MED15: variants seen among roughly 807,000 people sequenced by gnomAD.
MED15 encodes mediator of RNA polymerase II transcription subunit 15.
A neutral mutation model predicts 118.7 loss-of-function variants in MED15; 41 were observed. The ratio of observed to expected loss-of-function variants is 0.35; its 90% confidence interval spans 0.27 to 0.45. MED15 has a LOEUF of 0.45. Ranked by LOEUF, MED15 falls within the 20% of genes least tolerant of loss-of-function variation. The pLI, the probability that MED15 is intolerant of heterozygous loss-of-function variation, is 1.00. For missense variants in MED15, 740 were observed against 1,025.5 expected, an observed-to-expected ratio of 0.72 and a Z score of 3.80; for synonymous variants, 436 against 413.9, an observed-to-expected ratio of 1.05 and a Z score of -0.65.
intron 1 of MED15, among the ~76,000 whole-genome samples, chr22:20,513,878 T>C (rs1177596376): frequency 6.6e-6 from 1 of 152,184 alleles, no homozygotes. Context: ...GCATTTTCTT[T>C]TTTGAAACAG....
intron 1 of MED15, chr22:20,507,953 C>G (rs2053927924): frequency 1.4e-6 from 2 of 1,439,580 alleles, no homozygotes; most frequent in East Asian, 2.5e-5. Flanking sequence ...GGGCCGAGCT[C>G]TGCAAACCAA....
In MED15 at chr22:20,513,069, T is replaced by C. The variant is rs745434116; in HGVS notation, c.68+5323T>C. On this transcript the variant is annotated intron_variant, in intron 1 of 17. Coordinates refer to ENST00000263205, the MANE Select transcript of MED15 (RefSeq NM_001003891.3). Reference sequence around the variant, plus strand: ...CACCTCTTGTATTACAGTGGTATTCTTTATTTTTTTATTTTTTTAAGAGAC... The same window carrying C: ...CACCTCTTGTATTACAGTGGTATTCCTTATTTTTTTATTTTTTTAAGAGAC... 1.3e-4 allele frequency among the ~76,000 whole-genome samples: 20 copies of C among 151,818 alleles called. 1 individual carries two copies. Among genetic ancestry groups the C allele is most frequent in the Non-Finnish European group, 2.6e-4 (18 of 67,962 alleles).
At chr22:20,548,004 A>T (rs969357606) in intron 2 of MED15, among the ~76,000 whole-genome samples, 15 of 152,008 alleles carry the variant, frequency 9.9e-5, no homozygotes, top group African/African-American at 3.4e-4. Flanking sequence ...CATCTCAAAA[A>T]ATATATATAT....
intron 5 of MED15, among the ~76,000 whole-genome samples, chr22:20,556,596 A>T (rs165792): frequency 6.6e-6 from 1 of 151,986 alleles, no homozygotes; most frequent in South Asian, 2.1e-4. Context: ...CATCACGCCC[A>T]GCCGACTTCA....
intron 2 of MED15, among the ~76,000 whole-genome samples, chr22:20,537,626 T>G (rs2055132211): frequency 6.6e-6 from 1 of 152,252 alleles, no homozygotes; most frequent in African/African-American, 2.4e-5. Context: ...TGTCCCCTTT[T>G]GCTAAGTGAA....
intron 2 of MED15, among the ~76,000 whole-genome samples, chr22:20,550,388 C>T (rs892899161): frequency 1.3e-5 from 2 of 152,118 alleles, no homozygotes; most frequent in African/African-American, 4.8e-5. Flanking sequence ...GCTAATTCCC[C>T]GAGCTGAAAA....
intron 1 of MED15, among the ~76,000 whole-genome samples, chr22:20,510,068 T>C (rs1350434003): frequency 6.6e-6 from 1 of 152,190 alleles, no homozygotes; most frequent in Non-Finnish European, 1.5e-5. Flanking sequence ...CTCTAACAAA[T>C]TACCACAAGT....
rs1221017406 is a variant in MED15, at chr22:20,555,218, TATG to T, written c.451+74_451+76del. 6.8e-5 allele frequency: 95 copies of T among 1,390,870 alleles called. No homozygotes were observed. The Middle Eastern group carries it at 9.2e-4, about 13-fold the overall frequency. The allele number at this position is 1,390,870 out of a possible 1,614,324, so 86.2% of individuals were successfully genotyped here. A position where few individuals can be genotyped will look rare whatever the true frequency, so the allele number is the denominator to read the frequency against. On this transcript the variant is annotated intron_variant, in intron 5 of 17. Coordinates refer to ENST00000263205, the MANE Select transcript of MED15 (RefSeq NM_001003891.3). ...CGACAACACATTTTATTCCTGTGCT[TATG>T]ATGGTATCAAGAAAAGCATGGAGAA...
chr22:20,570,917 A>C (rs595044), intron 8 of MED15, among the ~76,000 whole-genome samples: 2 of 150,784 alleles, frequency 1.3e-5, no homozygotes, highest in African/African-American at 4.9e-5. Flanking sequence ...GGCATGCGCC[A>C]CTATATCCAG....
chr22:20,541,374 C>T (rs1305057952), intron 2 of MED15, among the ~76,000 whole-genome samples: 2 of 152,180 alleles, frequency 1.3e-5, no homozygotes, highest in African/African-American at 2.4e-5. Flanking sequence ...CATCACTAGT[C>T]ATTAGGGGAT....
chr22:20,572,826 G>C (rs1025580878), intron 8 of MED15, among the ~76,000 whole-genome samples: 1 of 152,208 alleles, frequency 6.6e-6, no homozygotes, highest in Non-Finnish European at 1.5e-5. Flanking sequence ...TCGGGAGGCC[G>C]AGTTGGGAGG....
intron 9 of MED15, among the ~76,000 whole-genome samples, chr22:20,577,932 T>C (rs1199206905): frequency 6.6e-6 from 1 of 152,150 alleles, no homozygotes; most frequent in African/African-American, 2.4e-5. Context: ...CTGTTTGTTT[T>C]TCTTTTTTTG....
intron 9 of MED15, chr22:20,582,286 G>T: frequency 2.2e-6 from 1 of 445,660 alleles, no homozygotes. Context: ...CCAGGCTAGT[G>T]CCAGCCAAGG....
chr22:20,565,405 G>A (rs939538759), intron 6 of MED15, among the ~76,000 whole-genome samples: 1 of 152,204 alleles, frequency 6.6e-6, no homozygotes, highest in African/African-American at 2.4e-5. Context: ...TTGGGTTCTG[G>A]GCTCAGTGTT....
At chr22:20,521,722 A>ATTTT (rs1313870108) in intron 1 of MED15, among the ~76,000 whole-genome samples, 1 of 116,702 alleles carries the variant, frequency 8.6e-6, no homozygotes, top group African/African-American at 2.7e-5. Context: ...TTATTTATTT[A>ATTTT]TTTATTTATT....
intron 8 of MED15, 170 bp from the exon 9 acceptor site, chr22:20,574,943 T>G (rs768075084): frequency 1.0e-4 from 83 of 815,998 alleles, no homozygotes; most frequent in Non-Finnish European, 1.4e-4. Flanking sequence ...CTGGAGGTGC[T>G]GTGGGCTTGA....
At chr22:20,569,564 C>T (rs2056568512) in intron 8 of MED15, among the ~76,000 whole-genome samples, 3 of 152,142 alleles carry the variant, frequency 2.0e-5, no homozygotes, top group Non-Finnish European at 4.4e-5. Context: ...GGCTTCATCT[C>T]ACGCTTGGGG....
chr22:20,519,651 C>T (rs1324896313), intron 1 of MED15, among the ~76,000 whole-genome samples: 1 of 152,146 alleles, frequency 6.6e-6, no homozygotes, highest in Non-Finnish European at 1.5e-5. Context: ...GATGGGGCTT[C>T]ACCATATTGG....
intron 1 of MED15, among the ~76,000 whole-genome samples, chr22:20,511,814 A>G (rs140467885): frequency 1.3e-5 from 2 of 152,164 alleles, no homozygotes; most frequent in South Asian, 4.2e-4. Flanking sequence ...GGTGAGGCCT[A>G]AAGTGTAGCC....
Sources: gnomAD v4.1 joint callset for allele counts (sites outside exome capture counted in the v4.1 genomes callset) on GRCh38, gnomAD v4.1.1 for gene constraint, MANE v1.5 for transcripts, NCBI Gene and HGNC (gene_info 2026-07-23, HGNC 2026-07-21) for gene names.